Variants in KLHL32 observed in about 807,000 individuals in gnomAD.
The protein encoded by KLHL32 is kelch-like protein 32.
KLHL32 carries 35 observed loss-of-function variants against 64.8 expected under a neutral mutation model. That is an observed-to-expected ratio of 0.54 (90% confidence interval 0.41 to 0.72). KLHL32 has a LOEUF of 0.72. KLHL32 is among the 30% of genes least tolerant of loss of function. KLHL32 has a pLI of 0.00. For missense variants in KLHL32, 589 were observed against 768.5 expected, an observed-to-expected ratio of 0.77 and a Z score of 2.76; for synonymous variants, 259 against 281.0, an observed-to-expected ratio of 0.92 and a Z score of 0.78.
chr6:96,930,707 C>G (rs1769762798), intron 1 of KLHL32, among the ~76,000 whole-genome samples: 1 of 152,036 alleles, frequency 6.6e-6, no homozygotes, highest in Non-Finnish European at 1.5e-5. Context: ...ATGCAGTACG[C>G]TGCTTAGATG....
chr6:97,006,544 G>T (rs1779688334), intron 3 of KLHL32, among the ~76,000 whole-genome samples: 1 of 152,134 alleles, frequency 6.6e-6, no homozygotes, highest in South Asian at 2.1e-4. Flanking sequence ...GTTTGATCCT[G>T]TCATCGTGTT....
At chr6:97,093,852 T>A (rs1048887869) in intron 6 of KLHL32, among the ~76,000 whole-genome samples, 2 of 152,224 alleles carry the variant, frequency 1.3e-5, no homozygotes, top group African/African-American at 4.8e-5. Flanking sequence ...CTTTAAAATC[T>A]GACCAAGAGA....
At chr6:96,999,135 C>A (rs917166895) in intron 3 of KLHL32, among the ~76,000 whole-genome samples, 1 of 152,148 alleles carries the variant, frequency 6.6e-6, no homozygotes, top group Non-Finnish European at 1.5e-5. Flanking sequence ...GATACTCATG[C>A]CTGTAATCTC....
chr6:96,972,580 G>A (rs1775233751), intron 2 of KLHL32, among the ~76,000 whole-genome samples: 1 of 152,146 alleles, frequency 6.6e-6, no homozygotes, highest in Non-Finnish European at 1.5e-5. Context: ...TGGCTTCTGT[G>A]GGAGACCTTT....
At chr6:97,137,751 G>A (rs949561213) in intron 10 of KLHL32, among the ~76,000 whole-genome samples, 1 of 152,100 alleles carries the variant, frequency 6.6e-6, no homozygotes, top group Non-Finnish European at 1.5e-5. Context: ...AGCCAGGATG[G>A]TCTCGATCTC....
chr6:96,926,601 C>T (rs557441642), intron 1 of KLHL32, among the ~76,000 whole-genome samples: 6 of 152,164 alleles, frequency 3.9e-5, no homozygotes, highest in African/African-American at 9.6e-5. Flanking sequence ...GTTGTGTGTG[C>T]GTTTCAGATG....
intron 6 of KLHL32, among the ~76,000 whole-genome samples, chr6:97,108,028 G>A (rs534167064): frequency 6.6e-6 from 1 of 152,274 alleles, no homozygotes; most frequent in African/African-American, 2.4e-5. Flanking sequence ...GGTCAGGCAG[G>A]GTGCTTGAGA....
chr6:97,033,224 T>C (rs1035057624), intron 3 of KLHL32, among the ~76,000 whole-genome samples: 7 of 152,152 alleles, frequency 4.6e-5, no homozygotes, highest in African/African-American at 1.7e-4. Context: ...CTTTATTAAG[T>C]TGGTCTGAAA....
rs1230757976 is a variant in KLHL32 at position 97,085,375 on chromosome 6, G to A, written c.627+34G>A. 1.9e-6 allele frequency: 3 copies of A among 1,558,198 alleles called. No homozygotes were observed. In the African/African-American group the frequency reaches 4.1e-5, roughly 21 times the overall value. On this transcript the variant is annotated intron_variant, in intron 6 of 10. Transcript: ENST00000369261. ...GCTGTGCACGGTCGCTTTTGGCACT[G>A]AAAAAGCATGCCGTGATTGGAAGTT...
At chr6:97,051,439 C>T (rs913268882) in intron 4 of KLHL32, among the ~76,000 whole-genome samples, 14 of 152,190 alleles carry the variant, frequency 9.2e-5, no homozygotes, top group African/African-American at 2.9e-4. Flanking sequence ...GTAGAAATGG[C>T]GAGTATCCAG....
chr6:96,938,401 G>C (rs1770873463), intron 1 of KLHL32, among the ~76,000 whole-genome samples: 1 of 152,178 alleles, frequency 6.6e-6, no homozygotes, highest in Admixed American at 6.5e-5. Context: ...GCAGGGCTGG[G>C]CCCCACAGTG....
intron 3 of KLHL32, among the ~76,000 whole-genome samples, chr6:96,979,788 A>G (rs985102749): frequency 3.9e-5 from 6 of 152,212 alleles, no homozygotes; most frequent in Non-Finnish European, 8.8e-5. Context: ...CTTCCTATCC[A>G]TGAGCATGAA....
At chr6:97,074,092 G>C (rs1185700496) in intron 5 of KLHL32, among the ~76,000 whole-genome samples, 1 of 152,168 alleles carries the variant, frequency 6.6e-6, no homozygotes, top group Non-Finnish European at 1.5e-5. Context: ...TTTGTTTGCT[G>C]CAACAGTATA....
chr6:96,952,845 T>G (rs937099643), intron 1 of KLHL32, among the ~76,000 whole-genome samples: 1 of 152,208 alleles, frequency 6.6e-6, no homozygotes, highest in African/African-American at 2.4e-5. Context: ...TGTATTCTGG[T>G]GACCAATTGA....
chr6:97,021,451 A>C lies in KLHL32; in HGVS notation c.205-20041A>C, dbSNP rs1279985172. Among the ~76,000 whole-genome samples the C allele has an allele frequency of 2.0e-5, 3 of 150,890 alleles. 1 individual carries two copies. Among genetic ancestry groups the C allele is most frequent in the African/African-American group, 7.5e-5 (3 of 40,178 alleles). The stretch of plus-strand genomic sequence containing the variant: ...AAGCCTGAAGATGGCATGTCCTAGC[A>C]TGAAGACAGTCAGTAGAGGGAATCC... On this transcript the variant is annotated intron_variant, in intron 3 of 10. Coordinates refer to ENST00000369261, the MANE Select transcript of KLHL32 (RefSeq NM_052904.4).
At chr6:97,131,034 T>C in intron 9 of KLHL32, 85 bp downstream of exon 9, 1 of 1,155,022 alleles carries the variant, frequency 8.7e-7, no homozygotes, top group South Asian at 1.4e-5. Context: ...AGGGCATCAC[T>C]AAATATTAAG....
chr6:97,034,127 T>G (rs1783968072), intron 3 of KLHL32, among the ~76,000 whole-genome samples: 1 of 152,084 alleles, frequency 6.6e-6, no homozygotes, highest in South Asian at 2.1e-4. Context: ...GCTTTTCCCC[T>G]ACATTTTCTT....
chr6:97,070,767 T>C (rs747860881), intron 5 of KLHL32, among the ~76,000 whole-genome samples: 68 of 152,158 alleles, frequency 4.5e-4, no homozygotes, highest in Admixed American at 1.3e-3. Context: ...AAAAATGAAG[T>C]GTTTCCAGGA....
the KLHL32 span, among the ~76,000 whole-genome samples, chr6:96,910,982 T>C: frequency 2.0e-5 from 3 of 152,244 alleles, no homozygotes; most frequent in Non-Finnish European, 4.4e-5. Context: ...AAAATGAACA[T>C]AGTTAATTGT....
Sources: allele counts gnomAD v4.1 joint callset (sites outside exome capture counted in the v4.1 genomes callset), GRCh38; gene constraint gnomAD v4.1.1; transcripts MANE v1.5; gene names NCBI Gene and HGNC (gene_info 2026-07-23, HGNC 2026-07-21).